MTMR9: variants seen among roughly 807,000 people sequenced by gnomAD.
The protein encoded by MTMR9 is myotubularin-related protein 9.
Under a neutral mutation model 69.5 loss-of-function variants are expected in MTMR9, and 39 were observed. That is an observed-to-expected ratio of 0.56 (90% CI 0.43 to 0.73). The LOEUF (loss-of-function observed/expected upper bound fraction) is 0.73, where lower values mean the gene tolerates loss of function less well. Among genes scored for constraint, MTMR9 ranks in the 30% least tolerant of loss-of-function variants. The probability of loss-of-function intolerance (pLI) is 0.00; values close to 1 mark genes in which losing one functional copy is unlikely to be tolerated. For synonymous variants in MTMR9, 354 were observed against 240.8 expected, an observed-to-expected ratio of 1.47 and a Z score of -4.35; for missense variants, 900 against 671.2, an observed-to-expected ratio of 1.34 and a Z score of -3.77.
At chr8:11,315,638 G>A (rs1209770665) in intron 7 of MTMR9, among the ~76,000 whole-genome samples, 1 of 152,172 alleles carries the variant, frequency 6.6e-6, no homozygotes, top group Non-Finnish European at 1.5e-5. Context: ...TATCTTGAAA[G>A]CAGACATTTT....
intron 1 of MTMR9, among the ~76,000 whole-genome samples, chr8:11,293,155 A>G (rs994695919): frequency 6.6e-6 from 1 of 152,170 alleles, no homozygotes; most frequent in Non-Finnish European, 1.5e-5. Context: ...GAGATGGAAG[A>G]CAGTGACATT....
At chr8:11,315,854 C>G (rs568675678) in intron 7 of MTMR9, 1 of 152,306 alleles carries the variant, frequency 6.6e-6, no homozygotes, top group African/African-American at 2.4e-5. Flanking sequence ...ATGAGTATGA[C>G]TGACTGATTT....
intron 1 of MTMR9, among the ~76,000 whole-genome samples, chr8:11,289,614 G>C (rs2572426): frequency 6.6e-6 from 1 of 151,732 alleles, no homozygotes; most frequent in African/African-American, 2.4e-5. Context: ...TTTCACTCCC[G>C]TTTCCTGCCT....
rs1305672475 is a variant in MTMR9 at position 11,323,405 on chromosome 8, G to T, written c.*617G>T. On this transcript the variant is annotated 3_prime_UTR_variant, in exon 10 of 10. Coordinates refer to ENST00000221086, the MANE Select transcript of MTMR9 (RefSeq NM_015458.4). The stretch of plus-strand genomic sequence containing the variant: ...ATTCAAGGTAAATTATTTCTACAAG[G>T]GCAACAGGTATGGTCCTCCGATATT... 2 of 152,084 alleles carry T rather than the reference G, an allele frequency of 1.3e-5. No homozygotes were observed. Among genetic ancestry groups the T allele is most frequent in the Non-Finnish European group, 2.9e-5 (2 of 68,018 alleles). The allele number at this position is 152,084 out of a possible 1,614,324, so 9.4% of individuals were successfully genotyped here.
intron 6 of MTMR9, among the ~76,000 whole-genome samples, chr8:11,311,097 C>G (rs922758805): frequency 6.6e-6 from 1 of 152,122 alleles, no homozygotes; most frequent in African/African-American, 2.4e-5. Context: ...GAATTGAATT[C>G]AGAATATCCC....
chr8:11,295,401 T>C (rs117553992), intron 2 of MTMR9, 99 bp downstream of exon 2: 3 of 765,980 alleles, frequency 3.9e-6, no homozygotes, highest in Non-Finnish European at 6.7e-6. Flanking sequence ...TCATGTTCTC[T>C]GACTCAAATA....
In MTMR9 at chr8:11,285,005, C is replaced by G; in HGVS notation, c.117C>G (p.Ser39=). The stretch of plus-strand genomic sequence containing the variant: ...TGACGGGCCACCACTTGATCCTGTC[C>G]TCCCGGCAGGACAATACGGAGGAGC... The part of the protein sequence containing the change: ...LCLTGHHLIL[S]SRQDNTEELW... The change falls in exon 1 of 10, where the codon TCC becomes TCG. Residue 39 remains serine, a synonymous_variant. Transcript: ENST00000221086. The G allele has an allele frequency of 6.2e-7, 1 of 1,613,702 alleles. No homozygotes were observed. The highest frequency in any genetic ancestry group is 2.2e-5 in the East Asian group (1 of 44,820).
At chr8:11,310,262 T>G (rs781128973) in intron 6 of MTMR9, among the ~76,000 whole-genome samples, 2 of 152,234 alleles carry the variant, frequency 1.3e-5, no homozygotes, top group African/African-American at 4.8e-5. Flanking sequence ...AGGTTGCTAA[T>G]CCTTGAGTCT....
chr8:11,317,044 C>A (rs914313901), intron 8 of MTMR9, 151 bp downstream of exon 8: 5 of 498,860 alleles, frequency 1.0e-5, no homozygotes, highest in Non-Finnish European at 1.7e-5. Context: ...ATTTAAATGA[C>A]CTGAAGTATA....
intron 2 of MTMR9, 30 bp downstream of exon 2, chr8:11,295,332 AAC>A (rs1799515537): frequency 8.2e-7 from 1 of 1,220,944 alleles, no homozygotes; most frequent in African/African-American, 1.5e-5. Flanking sequence ...AATCTAATGA[AAC>A]ATAATTTTAT....
At chr8:11,322,050 A>T (rs1034006277) in intron 9 of MTMR9, among the ~76,000 whole-genome samples, 1 of 152,160 alleles carries the variant, frequency 6.6e-6, no homozygotes, top group Non-Finnish European at 1.5e-5. Flanking sequence ...AAGGATAATT[A>T]TTATTATTTG....
chr8:11,332,667 T>C (rs1419323267), downstream of MTMR9, among the ~76,000 whole-genome samples: 1 of 152,042 alleles, frequency 6.6e-6, no homozygotes, highest in African/African-American at 2.4e-5. Context: ...AGTGGCATGA[T>C]CTCAGCTCAC....
chr8:11,312,333 A>T (rs1800236849), intron 6 of MTMR9, among the ~76,000 whole-genome samples: 1 of 151,854 alleles, frequency 6.6e-6, no homozygotes, highest in South Asian at 2.1e-4. Flanking sequence ...TACAGGTCTG[A>T]CCCACTGCAC....
At chr8:11,304,006 A>T (rs1193123908) in intron 3 of MTMR9, among the ~76,000 whole-genome samples, 1 of 152,188 alleles carries the variant, frequency 6.6e-6, no homozygotes, top group African/African-American at 2.4e-5. Context: ...ACCCATGGTT[A>T]GGCCAACTCA....
intron 1 of MTMR9, among the ~76,000 whole-genome samples, chr8:11,290,264 T>C (rs1011333606): frequency 3.3e-5 from 5 of 152,224 alleles, no homozygotes; most frequent in African/African-American, 1.2e-4. Context: ...TTTTTTCCTT[T>C]TTGTGAATTG....
chr8:11,298,121 G>A (rs975499764), intron 2 of MTMR9, among the ~76,000 whole-genome samples: 2 of 152,122 alleles, frequency 1.3e-5, no homozygotes, highest in African/African-American at 4.8e-5. Context: ...CTTTTTTTCA[G>A]TGTTTCACCT....
Position 11,322,754 on chromosome 8 carries a change from T to C in MTMR9, c.1616T>C (p.Leu539Pro). 1 of 1,614,044 alleles carries C rather than the reference T, an allele frequency of 6.2e-7. No homozygotes were observed. The highest frequency in any genetic ancestry group is 2.2e-5 in the East Asian group (1 of 44,876). ...ATCCTTCGAAGGCAGTTGGCAGAAC[T>C]GGAAACAGAGGACGGGATGCAGGAG... ...VNILRRQLAE[L>P]ETEDGMQESP The change falls in exon 10 of 10, where the codon CTG (leucine) becomes CCG (proline). Residue 539 changes from leucine to proline, a missense_variant. Leu to Pro is a moderately conservative substitution (Grantham distance 98). Coordinates refer to ENST00000221086, the MANE Select transcript of MTMR9 (RefSeq NM_015458.4).
chr8:11,291,948 GTGTT>G (rs1207156053), intron 1 of MTMR9, among the ~76,000 whole-genome samples: 1 of 152,122 alleles, frequency 6.6e-6, no homozygotes, highest in Non-Finnish European at 1.5e-5. Context: ...ACTTTGATGT[GTGTT>G]GATATATGTA....
At chr8:11,303,284 G>T (rs1799816772) in intron 3 of MTMR9, among the ~76,000 whole-genome samples, 1 of 151,066 alleles carries the variant, frequency 6.6e-6, no homozygotes, top group Non-Finnish European at 1.5e-5. Flanking sequence ...AACAGAAGCG[G>T]CATTGCAGAT....
Sources: allele counts gnomAD v4.1 joint callset (sites outside exome capture counted in the v4.1 genomes callset), GRCh38; gene constraint gnomAD v4.1.1; transcripts MANE v1.5; gene names NCBI Gene and HGNC (gene_info 2026-07-23, HGNC 2026-07-21).